The following ATP2A1 variants were observed in gnomAD, a reference collection of about 807,000 sequenced individuals.
ATP2A1 encodes sarcoplasmic/endoplasmic reticulum calcium ATPase 1.
Under a neutral mutation model 109.5 loss-of-function variants are expected in ATP2A1, and 83 were observed. That is an observed-to-expected ratio of 0.76 (90% confidence interval 0.63 to 0.91). The LOEUF is 0.91. Among genes scored for constraint, ATP2A1 ranks in the 40% least tolerant of loss-of-function variants. The pLI is 0.00. For missense variants in ATP2A1, 1,101 were observed against 1,341.0 expected (o/e 0.82, Z 2.80); for synonymous variants, 505 against 537.6 (o/e 0.94, Z 0.84).
At chr16:28,900,255 C>CG (rs955129603) in intron 14 of ATP2A1, among the ~76,000 whole-genome samples, 2 of 150,342 alleles carry the variant, frequency 1.3e-5, no homozygotes, top group African/African-American at 4.9e-5. Flanking sequence ...GAGCTATGAT[C>CG]GCACCGTTGT....
At position 28,894,015 on chromosome 16, in the gene ATP2A1, T is replaced by C. The variant is rs1596677315; in HGVS notation, c.1096-140T>C. 6 of 702,784 alleles carry C rather than the reference T, an allele frequency of 8.5e-6. 1 individual carries two copies. The highest frequency in any genetic ancestry group is 1.0e-5 in the Non-Finnish European group (4 of 391,854). 43.5% of individuals were successfully genotyped at this position (702,784 alleles called of 1,614,324 possible). On this transcript the variant is annotated intron_variant, in intron 9 of 22. Coordinates refer to ENST00000395503, the MANE Select transcript of ATP2A1 (RefSeq NM_004320.6). ...AGCTTGGTGGGAAGTGGGTAGGGTA[T>C]ACGGGGGGGATGAGGAGGGGTGAGT...
In ATP2A1 at chr16:28,887,574, C is replaced by T. The variant is rs775861122; in HGVS notation, c.780C>T (p.Leu260=). Residue 260 remains leucine, a synonymous_variant, in exon 8 of 23, where the codon CTC becomes CTT. Transcript: ENST00000395503. ...AGCTGGATGAGTTTGGGGAGCAGCT[C>T]TCCAAGGTCATCTCCCTCATCTGTG... ...QQKLDEFGEQ[L]SKVISLICVA... 5 of 1,614,084 alleles carry T rather than the reference C, an allele frequency of 3.1e-6. No homozygotes were observed. The East Asian group carries it at 8.9e-5, about 29-fold the overall frequency.
At chr16:28,887,779 T>C in intron 8 of ATP2A1, 57 bp downstream of exon 8, 1 of 1,552,506 alleles carries the variant, frequency 6.4e-7, no homozygotes, top group South Asian at 1.1e-5. Context: ...AAAGACCCCT[T>C]TTCTTTTCTT....
At chr16:28,882,406 C>CT in intron 4 of ATP2A1, 45 bp from the exon 5 acceptor site, 1 of 1,528,946 alleles carries the variant, frequency 6.5e-7, no homozygotes. Flanking sequence ...CTCCATAACT[C>CT]TGCCTCCTGT....
At chr16:28,897,689 C>T (rs376400494) in intron 12 of ATP2A1, among the ~76,000 whole-genome samples, 1 of 152,054 alleles carries the variant, frequency 6.6e-6, no homozygotes, top group African/African-American at 2.4e-5. Flanking sequence ...AGGCTGGTCT[C>T]GAACTCCTGA....
intron 12 of ATP2A1, among the ~76,000 whole-genome samples, chr16:28,897,627 G>A (rs1414519626): frequency 6.6e-6 from 1 of 152,140 alleles, no homozygotes; most frequent in African/African-American, 2.4e-5. Context: ...TGCAATCTCT[G>A]CCCAGCTAAT....
intron 9 of ATP2A1, 76 bp from the exon 10 acceptor site, chr16:28,894,079 G>A: frequency 7.7e-7 from 1 of 1,298,012 alleles, no homozygotes; most frequent in Non-Finnish European, 1.1e-6. Context: ...TGGCAGTGCA[G>A]GCCTCCCTTG....
rs1567482681 is a variant in ATP2A1 at position 28,887,521 on chromosome 16, G to C, written c.727G>C (p.Glu243Gln). ...GKIRDQMAAT[E>Q]QDKTPLQQKL... ...GATCCGAGACCAAATGGCTGCCACA[G>C]AACAGGACAAGACCCCCTTGCAGCA... is the stretch of plus-strand genomic sequence containing the variant. The change falls in exon 8 of 23, where the codon GAA (glutamate) becomes CAA (glutamine). Residue 243 changes from glutamate to glutamine, a missense_variant. Physicochemically the swap from Glu to Gln is conservative, Grantham distance 29 (BLOSUM62 2). Coordinates refer to ENST00000395503, the MANE Select transcript of ATP2A1 (RefSeq NM_004320.6). The C allele has an allele frequency of 6.2e-7, 1 of 1,614,048 alleles. No individual in the cohort carries two copies. The highest frequency in any genetic ancestry group is 8.5e-7 in the Non-Finnish European group (1 of 1,180,022).
intron 12 of ATP2A1, among the ~76,000 whole-genome samples, chr16:28,895,264 CCTTT>C (rs1280853042): frequency 6.6e-6 from 1 of 152,218 alleles, no homozygotes. Context: ...ATCTGTTATT[CCTTT>C]GTTTCTAGAA....
chr16:28,894,541 T>G lies in ATP2A1; in HGVS notation c.1221T>G (p.Tyr407Ter). The change falls in exon 11 of 23, where the codon TAT becomes TAG. Residue 407 changes from tyrosine to a stop codon, truncating the protein, a stop_gained. Coordinates refer to ENST00000395503, the MANE Select transcript of ATP2A1 (RefSeq NM_004320.6). LOFTEE classifies it high-confidence loss of function. ...ATAAGCCAGTCCGGCCAGGGCAGTA[T>G]GACGGGCTGGTGGAGCTGGCCACCA... is the stretch of plus-strand genomic sequence containing the variant. Reference protein sequence around the residue: ...KNDKPVRPGQYDGLVELATIC... With the variant: ...KNDKPVRPGQ The G allele has an allele frequency of 6.2e-7, 1 of 1,614,144 alleles. No homozygotes were observed. The highest frequency in any genetic ancestry group is 1.1e-5 in the South Asian group (1 of 91,086).
intron 9 of ATP2A1, among the ~76,000 whole-genome samples, chr16:28,889,414 G>A (rs1478789290): frequency 1.3e-5 from 2 of 151,954 alleles, no homozygotes; most frequent in African/African-American, 2.4e-5. Flanking sequence ...CTGCCACCAC[G>A]CCTGGCTAAT....
At chr16:28,881,164 G>A (rs1963463611) in intron 4 of ATP2A1, 145 bp downstream of exon 4, 1 of 865,990 alleles carries the variant, frequency 1.2e-6, no homozygotes, top group African/African-American at 1.7e-5. Context: ...GGGATGGAGT[G>A]TGGGGAAGAG....
rs1555516670 is a variant in ATP2A1, at chr16:28,898,086, A to G, written c.1506A>G (p.Lys502=). The change falls in exon 13 of 23, where the codon AAA becomes AAG. Residue 502 remains lysine (K), a synonymous_variant. Transcript: ENST00000395503. This position sits in a 1 kb window ranked among gnomAD's most constrained non-coding sequence, Gnocchi z 4.0. ...TGTCTGTCTATTGCTCCCCAGCCAAATCTTCCCGGGCTGCTGTGGGCAACA... is the reference window on the plus strand; with the variant it reads ...TGTCTGTCTATTGCTCCCCAGCCAAGTCTTCCCGGGCTGCTGTGGGCAACA... ...KSMSVYCSPA[K]SSRAAVGNKM... is the part of the protein sequence containing the mutation. 1 of 1,614,088 alleles carries G rather than the reference A, an allele frequency of 6.2e-7. No individual in the cohort carries two copies. The highest frequency in any genetic ancestry group is 1.3e-5 in the African/African-American group (1 of 75,018).
At chr16:28,882,757 C>G (rs535942496) in intron 5 of ATP2A1, among the ~76,000 whole-genome samples, 168 bp downstream of exon 5, 3 of 152,218 alleles carry the variant, frequency 2.0e-5, no homozygotes, top group South Asian at 2.1e-4. Flanking sequence ...CACATCCCCC[C>G]CTCCCCAGCG....
chr16:28,889,015 C>T, intron 9 of ATP2A1, 62 bp downstream of exon 9: 1 of 1,598,044 alleles, frequency 6.3e-7, no homozygotes, highest in South Asian at 1.1e-5. Flanking sequence ...TAAATGGGCC[C>T]TCCAAAGATA....
At chr16:28,878,994 T>C (rs780668874) in intron 1 of ATP2A1, 105 bp from the exon 2 acceptor site, 14 of 1,506,424 alleles carry the variant, frequency 9.3e-6, no homozygotes, top group Admixed American at 1.7e-5. Context: ...ATGAACTTGA[T>C]GAACCTCAAG....
At chr16:28,881,589 T>C (rs1963482945) in intron 4 of ATP2A1, 1 of 181,792 alleles carries the variant, frequency 5.5e-6, no homozygotes, top group Admixed American at 5.4e-5. Flanking sequence ...TCAGTTGAGG[T>C]CAGGAGTTCA....
At chr16:28,894,412 C>T in intron 10 of ATP2A1, 93 bp from the exon 11 acceptor site, 2 of 1,357,476 alleles carry the variant, frequency 1.5e-6, no homozygotes, top group Non-Finnish European at 2.1e-6. Flanking sequence ...CTTCCTTACC[C>T]TCTGCTGCCT....
In ATP2A1 at chr16:28,900,768, G is replaced by A. The variant is rs778662261; in HGVS notation, c.1952G>A (p.Arg651His). Residue 651 changes from arginine to histidine, a missense_variant, in exon 15 of 23, where the codon CGC becomes CAC. By Grantham distance (29) the Arg-to-His change is conservative. Transcript: ENST00000395503. ...GGGGAGAACGAGGAGGTGGCCGATC[G>A]CGCCTACACGGGCCGAGAGTTCGAC... ...IFGENEEVAD[R>H]AYTGREFDDL... 1.1e-5 allele frequency: 17 copies of A among 1,614,074 alleles called. No homozygotes were observed. The highest frequency in any genetic ancestry group is 1.6e-4 in the Middle Eastern group (1 of 6,084).
Sources: allele counts gnomAD v4.1 joint callset (sites outside exome capture counted in the v4.1 genomes callset), GRCh38; gene constraint gnomAD v4.1.1; non-coding constraint Gnocchi (gnomAD v3.1); transcripts MANE v1.5; gene names NCBI Gene and HGNC (gene_info 2026-07-23, HGNC 2026-07-21).